PLCB1: variants seen among roughly 807,000 people sequenced by gnomAD.
PLCB1 encodes 1-phosphatidylinositol 4,5-bisphosphate phosphodiesterase beta-1.
PLCB1 carries 46 observed loss-of-function variants against 161.8 expected under a neutral mutation model. That is an observed-to-expected ratio of 0.28 (90% CI 0.22 to 0.36). The LOEUF (loss-of-function observed/expected upper bound fraction) is 0.36. Among genes scored for constraint, PLCB1 ranks in the 10% least tolerant of loss-of-function variants. The pLI, the probability that PLCB1 is intolerant of heterozygous loss-of-function variation, is 1.00. For synonymous variants in PLCB1, 517 were observed against 503.7 expected (o/e 1.03, Z -0.35); for missense variants, 1,016 against 1,472.5 (o/e 0.69, Z 5.07).
intron 3 of PLCB1, among the ~76,000 whole-genome samples, chr20:8,481,370 C>T (rs1380820662): frequency 6.6e-6 from 1 of 152,070 alleles, no homozygotes; most frequent in Non-Finnish European, 1.5e-5. Flanking sequence ...ACTTCTGATA[C>T]ATATATTTTA....
At chr20:8,720,846 ATT>A (rs35830060) in intron 14 of PLCB1, among the ~76,000 whole-genome samples, 53,729 of 147,286 alleles carry the variant, frequency 0.36, 10,334 homozygotes, top group South Asian at 0.44. Context: ...CCCCTCTCTG[ATT>A]TTTTTTTTTT....
At chr20:8,740,584 C>A (rs895501792) in intron 22 of PLCB1, 136 bp downstream of exon 22, 1 of 502,408 alleles carries the variant, frequency 2.0e-6, no homozygotes. Flanking sequence ...CCCCTACTTT[C>A]GTATGTATGT....
chr20:8,811,397 C>T (rs762873505), intron 31 of PLCB1, among the ~76,000 whole-genome samples: 66 of 152,128 alleles, frequency 4.3e-4, no homozygotes, highest in East Asian at 2.1e-3. Context: ...ATTCATGGTT[C>T]GGTCTAGTTT....
At chr20:8,133,391 G>C (rs2051313012) in intron 1 of PLCB1, among the ~76,000 whole-genome samples, 1 of 152,054 alleles carries the variant, frequency 6.6e-6, no homozygotes, top group African/African-American at 2.4e-5. Flanking sequence ...AGGGGTCCTG[G>C]AGGGCTCATG....
chr20:8,738,313 G>T (rs1024259768), intron 20 of PLCB1, among the ~76,000 whole-genome samples: 26 of 152,152 alleles, frequency 1.7e-4, no homozygotes, highest in Non-Finnish European at 3.8e-4. Flanking sequence ...CAGTGTAAAA[G>T]TGTTCCTATT....
chr20:8,774,442 A>G (rs1216368317), intron 26 of PLCB1, 97 bp from the exon 27 acceptor site: 1 of 1,236,196 alleles, frequency 8.1e-7, no homozygotes, highest in Non-Finnish European at 1.1e-6. Context: ...GTATTTCCAA[A>G]CAGAGAACTT....
intron 2 of PLCB1, among the ~76,000 whole-genome samples, chr20:8,243,097 T>TCCCC (rs1238795356): frequency 6.6e-6 from 1 of 151,956 alleles, no homozygotes; most frequent in Non-Finnish European, 1.5e-5. Context: ...GGCTAGGTCA[T>TCCCC]ATTATCAGGT....
intron 31 of PLCB1, among the ~76,000 whole-genome samples, chr20:8,860,675 A>G (rs1236770659): frequency 6.6e-6 from 1 of 152,256 alleles, no homozygotes; most frequent in Non-Finnish European, 1.5e-5. Flanking sequence ...CTGAATCAGG[A>G]GAGACATCTT....
intron 31 of PLCB1, among the ~76,000 whole-genome samples, chr20:8,862,204 G>T (rs573226565): frequency 7.0e-4 from 106 of 152,270 alleles, no homozygotes; most frequent in Non-Finnish European, 9.9e-4. Context: ...TGTCATGCAT[G>T]ATTTATTTAT....
At chr20:8,295,827 A>G (rs948436282) in intron 2 of PLCB1, among the ~76,000 whole-genome samples, 2 of 151,862 alleles carry the variant, frequency 1.3e-5, no homozygotes, top group Non-Finnish European at 2.9e-5. Flanking sequence ...CTCCCACCTC[A>G]GCCTCCCGAG....
intron 3 of PLCB1, among the ~76,000 whole-genome samples, chr20:8,412,726 A>G (rs1979097728): frequency 6.6e-6 from 1 of 152,128 alleles, no homozygotes; most frequent in Non-Finnish European, 1.5e-5. Flanking sequence ...ATAAAGATAT[A>G]GCTGTTGTCT....
At chr20:8,566,711 G>A (rs935114721) in intron 3 of PLCB1, among the ~76,000 whole-genome samples, 3 of 151,968 alleles carry the variant, frequency 2.0e-5, no homozygotes, top group African/African-American at 7.2e-5. Flanking sequence ...ATGATATATG[G>A]CTACATATCT....
intron 2 of PLCB1, among the ~76,000 whole-genome samples, chr20:8,226,157 C>T (rs1316352835): frequency 1.3e-5 from 2 of 152,172 alleles, no homozygotes. Context: ...GTCATTCTCA[C>T]ACCCCTGTTG....
chr20:8,649,522 T>C (rs749510801), intron 7 of PLCB1, 73 bp downstream of exon 7: 1 of 1,053,942 alleles, frequency 9.5e-7, no homozygotes, highest in East Asian at 2.4e-5. Flanking sequence ...TAATCCCCAA[T>C]ATGACAGTTT....
chr20:8,607,448 A>T (rs1987788743), intron 3 of PLCB1, among the ~76,000 whole-genome samples: 2 of 152,168 alleles, frequency 1.3e-5, no homozygotes, highest in South Asian at 4.1e-4. Flanking sequence ...CCTTTGCCCC[A>T]ACCACCTCAT....
At position 8,464,435 on chromosome 20, in the gene PLCB1, A is replaced by T. The variant is rs962625807; in HGVS notation, c.246+92985A>T. On this transcript the variant is annotated intron_variant, in intron 3 of 31. Coordinates refer to ENST00000338037, the MANE Select transcript of PLCB1 (RefSeq NM_015192.4). ...TGTCGTGCCCTCCAACAACTTTCTT[A>T]TGATTCCAACCTAGCTGTCTCACTG... Among the ~76,000 whole-genome samples, 18 of 152,122 alleles carry T rather than the reference A, an allele frequency of 1.2e-4. 1 individual carries two copies. The highest frequency in any genetic ancestry group is 4.4e-5 in the Non-Finnish European group (3 of 68,016).
rs117627864 is a variant in PLCB1, at chr20:8,378,802, G to A, written c.246+7352G>A. On this transcript the variant is annotated intron_variant, in intron 3 of 31. Coordinates refer to ENST00000338037, the MANE Select transcript of PLCB1 (RefSeq NM_015192.4). ...CCTCTCAAACCCTGCTTCTGTTTTA[G>A]CAACTAAGTTTATATAATATTCTAA... 3.9e-3 allele frequency among the ~76,000 whole-genome samples: 599 copies of A among 152,252 alleles called. 5 individuals are homozygous for A. Among genetic ancestry groups the A allele is most frequent in the Non-Finnish European group, 7.0e-3 (477 of 68,020 alleles).
intron 2 of PLCB1, among the ~76,000 whole-genome samples, chr20:8,210,847 T>C (rs995091034): frequency 2.6e-5 from 4 of 152,138 alleles, no homozygotes; most frequent in Non-Finnish European, 5.9e-5. Context: ...GATCTTCATT[T>C]CATTTCTGAA....
intron 1 of PLCB1, among the ~76,000 whole-genome samples, chr20:8,144,087 C>T (rs890294357): frequency 2.0e-5 from 3 of 152,170 alleles, no homozygotes; most frequent in African/African-American, 7.2e-5. Context: ...AAATGATATA[C>T]TATGCTTTTA....
Sources: allele counts gnomAD v4.1 joint callset (sites outside exome capture counted in the v4.1 genomes callset), GRCh38; gene constraint gnomAD v4.1.1; transcripts MANE v1.5; gene names NCBI Gene and HGNC (gene_info 2026-07-23, HGNC 2026-07-21).